Variants in IGSF10 observed in about 807,000 individuals in gnomAD.
IGSF10 encodes calvaria mechanical force protein 608.
IGSF10 carries 126 observed loss-of-function variants against 128.2 expected under a neutral mutation model. The observed-to-expected ratio is 0.98, with a 90% CI of 0.85 to 1.14. The LOEUF is 1.14. Ranked by LOEUF, IGSF10 falls within the 50% of genes most tolerant of loss-of-function variation. The probability of loss-of-function intolerance (pLI) is 0.00; values close to 1 mark genes in which losing one functional copy is unlikely to be tolerated. For missense variants in IGSF10, 3,295 were observed against 3,149.8 expected (o/e 1.05, Z -1.10); for synonymous variants, 1,185 against 1,146.2 (o/e 1.03, Z -0.68).
the IGSF10 span, among the ~76,000 whole-genome samples, chr3:151,493,543 G>A: frequency 9.9e-5 from 15 of 151,998 alleles, no homozygotes; most frequent in African/African-American, 3.4e-4. Context: ...TGTTGCAGTT[G>A]CCTGCAGTAT....
the IGSF10 span, among the ~76,000 whole-genome samples, chr3:151,482,206 T>G: frequency 6.6e-6 from 1 of 151,970 alleles, no homozygotes. Context: ...GAAATGAAAA[T>G]TTATAAATTG....
In IGSF10 at chr3:151,448,274, T is replaced by A. The variant is rs749547383; in HGVS notation, c.1707A>T (p.Val569=). 6.2e-7 allele frequency: 1 copy of A among 1,614,242 alleles called. No individual in the cohort carries two copies. Among genetic ancestry groups the A allele is most frequent in the Non-Finnish European group, 8.5e-7 (1 of 1,180,030 alleles). Residue 569 remains valine, a synonymous_variant, in exon 6 of 8, where the codon GTA becomes GTT. Coordinates refer to ENST00000282466, the MANE Select transcript of IGSF10 (RefSeq NM_178822.5). ...CCTGATAGGCTTCGACCAAAGGTTC[T>A]ACCACAGTTATCCTATAGGTGAGAA... The part of the protein sequence containing the change: ...ADILTYRITV[V]EPLVEAYQEN...
the IGSF10 span, among the ~76,000 whole-genome samples, chr3:151,515,948 T>C: frequency 1.3e-5 from 2 of 151,956 alleles, no homozygotes; most frequent in South Asian, 2.1e-4. Flanking sequence ...AGCTTTCCCA[T>C]GCAACAAGGC....
At chr3:151,544,437 TC>T in the IGSF10 span, among the ~76,000 whole-genome samples, 4 of 152,332 alleles carry the variant, frequency 2.6e-5, no homozygotes, top group East Asian at 7.7e-4. Context: ...CTAAAGCTTT[TC>T]AAGAAAGAAT....
Position 151,444,810 on chromosome 3 carries a change from A to C in IGSF10, c.5062+109T>G, listed in dbSNP as rs542597523. 57 of 1,013,822 alleles carry C rather than the reference A, an allele frequency of 5.6e-5. No homozygotes were observed. In the African/African-American group the frequency reaches 8.6e-4, roughly 15 times the overall value. The allele number at this position is 1,013,822 out of a possible 1,614,324, so 62.8% of individuals were successfully genotyped here. ...AGGATATTAATAGTTTCTTTGTCTT[A>C]GAAAAATTTGAAACTGATACTGATT... is the stretch of plus-strand genomic sequence containing the variant. On this transcript the variant is annotated intron_variant, in intron 6 of 7. Coordinates refer to ENST00000282466, the MANE Select transcript of IGSF10 (RefSeq NM_178822.5).
At chr3:151,482,477 T>C in the IGSF10 span, among the ~76,000 whole-genome samples, 3 of 152,102 alleles carry the variant, frequency 2.0e-5, no homozygotes, top group African/African-American at 7.2e-5. Context: ...AAAGAATCTA[T>C]GAACTTGAAG....
chr3:151,434,740 T>C (rs1719906699), downstream of IGSF10: 1 of 152,248 alleles, frequency 6.6e-6, no homozygotes, highest in Non-Finnish European at 1.5e-5. Flanking sequence ...CCAGTTCAGT[T>C]TGAACCATAT....
At chr3:151,518,205 T>G in the IGSF10 span, among the ~76,000 whole-genome samples, 3 of 152,002 alleles carry the variant, frequency 2.0e-5, no homozygotes, top group East Asian at 5.8e-4. Context: ...TCACTGAGTT[T>G]TGGCCAAAGG....
chr3:151,513,108 A>G, the IGSF10 span, among the ~76,000 whole-genome samples: 2 of 152,198 alleles, frequency 1.3e-5, no homozygotes, highest in African/African-American at 4.8e-5. Flanking sequence ...TCCCTAACTC[A>G]TTTTATGAGG....
Position 151,448,193 on chromosome 3 carries a change from A to G in IGSF10, c.1788T>C (p.His596=), listed in dbSNP as rs756465708. The change falls in exon 6 of 8, where the codon CAT becomes CAC. Residue 596 remains histidine (H), a synonymous_variant. Coordinates refer to ENST00000282466, the MANE Select transcript of IGSF10 (RefSeq NM_178822.5). ...FIGETLDLPC[H]STGIPDASIS... ...TAGAGGCATCTGGGATACCAGTAGA[A>G]TGGCATGGAAGATCAAGTGTTTCAC... 1.2e-6 allele frequency: 2 copies of G among 1,614,112 alleles called. No individual in the cohort carries two copies. Among genetic ancestry groups the G allele is most frequent in the South Asian group, 2.2e-5 (2 of 91,086 alleles).
chr3:151,453,174 G>A (rs1469254272), intron 5 of IGSF10, among the ~76,000 whole-genome samples: 1 of 152,134 alleles, frequency 6.6e-6, no homozygotes, highest in Non-Finnish European at 1.5e-5. Context: ...GGATTTTTAG[G>A]CTTTGTGAAA....
the IGSF10 span, among the ~76,000 whole-genome samples, chr3:151,573,110 C>A: frequency 2.6e-5 from 4 of 152,088 alleles, no homozygotes; most frequent in Non-Finnish European, 5.9e-5. Flanking sequence ...GTTGTGATTT[C>A]TGTTCTTTTA....
chr3:151,450,024 G>A (rs1174595877), intron 5 of IGSF10, among the ~76,000 whole-genome samples: 3 of 152,154 alleles, frequency 2.0e-5, no homozygotes, highest in Non-Finnish European at 4.4e-5. Flanking sequence ...TAAGGGGGAG[G>A]GAAGAACATT....
At chr3:151,600,254 G>A in the IGSF10 span, among the ~76,000 whole-genome samples, 1 of 151,858 alleles carries the variant, frequency 6.6e-6, no homozygotes, top group Admixed American at 6.6e-5. Context: ...AAGTAATAGT[G>A]CAGATGGTTT....
At chr3:151,460,837 G>A (rs1722017546) in intron 1 of IGSF10, 109 bp downstream of exon 1, 1 of 231,356 alleles carries the variant, frequency 4.3e-6, no homozygotes, top group East Asian at 2.2e-4. Context: ...AGCCCTCCCC[G>A]CCCCAGCGCC....
chr3:151,579,867 G>A, the IGSF10 span, among the ~76,000 whole-genome samples: 23 of 99,778 alleles, frequency 2.3e-4, no homozygotes, highest in East Asian at 8.6e-4. Flanking sequence ...GGGAGGAAGG[G>A]AGGAAGGAAA....
At chr3:151,438,786 T>C (rs192654965) in intron 7 of IGSF10, among the ~76,000 whole-genome samples, 189 bp from the exon 8 acceptor site, 37 of 150,996 alleles carry the variant, frequency 2.5e-4, no homozygotes, top group Non-Finnish European at 3.5e-4. Flanking sequence ...TGTATATATA[T>C]ACACATATTT....
upstream of IGSF10, among the ~76,000 whole-genome samples, chr3:151,461,864 C>T (rs975252275): frequency 2.0e-5 from 3 of 152,178 alleles, no homozygotes; most frequent in Admixed American, 1.3e-4. Context: ...TTTCACTTGG[C>T]ATAATGTCCT....
In IGSF10 at chr3:151,443,833, T is replaced by C. The variant is rs142050988; in HGVS notation, c.5114A>G (p.Asn1705Ser). 5.1e-5 allele frequency: 82 copies of C among 1,613,904 alleles called. 1 individual carries two copies. Among genetic ancestry groups the C allele is most frequent in the African/African-American group, 3.7e-4 (28 of 74,920 alleles). ...KQNSRVQVLPNGTLSIQRVEI... is the reference protein window; with the variant it reads ...KQNSRVQVLPSGTLSIQRVEI... ...CACCCTCTGGATGGACAGGGTACCA[T>C]TGGGGAGAACCTGGACCCTGCTATT... Residue 1705 changes from asparagine to serine, a missense_variant, in exon 7 of 8, where the codon AAT (asparagine) becomes AGT (serine). Physicochemically the swap from Asn to Ser is conservative, Grantham distance 46. Transcript: ENST00000282466.
Sources: allele counts gnomAD v4.1 joint callset (sites outside exome capture counted in the v4.1 genomes callset), GRCh38; gene constraint gnomAD v4.1.1; transcripts MANE v1.5; gene names NCBI Gene and HGNC (gene_info 2026-07-23, HGNC 2026-07-21).